PCLO: variants seen among roughly 807,000 people sequenced by gnomAD.
The protein encoded by PCLO is protein piccolo.
Under a neutral mutation model 427.5 loss-of-function variants are expected in PCLO, and 82 were observed. The observed-to-expected ratio is 0.19, with a 90% CI of 0.16 to 0.23. The LOEUF (loss-of-function observed/expected upper bound fraction) is 0.23. Among genes scored for constraint, PCLO ranks in the 10% least tolerant of loss-of-function variants. The probability of loss-of-function intolerance (pLI) is 1.00; values close to 1 mark genes in which losing one functional copy is unlikely to be tolerated. For missense variants in PCLO, 6,239 were observed against 6,115.9 expected (o/e 1.02, Z -0.67); for synonymous variants, 2,357 against 2,155.4 (o/e 1.09, Z -2.59).
chr7:82,783,148 C>T (rs1790909703), intron 22 of PCLO, among the ~76,000 whole-genome samples: 1 of 152,204 alleles, frequency 6.6e-6, no homozygotes. Flanking sequence ...GATGTGAGAA[C>T]TAAACAGGCT....
At position 83,155,743 on chromosome 7, in the gene PCLO, T is replaced by C. The variant is rs1255725833; in HGVS notation, c.898A>G (p.Ser300Gly). Residue 300 changes from serine to glycine, a missense_variant, in exon 2 of 25, where the codon AGC becomes GGC. Physicochemically the swap from Ser to Gly is moderately conservative, Grantham distance 56. Transcript: ENST00000333891. ...RGESVKPSLP[S>G]PSKPPIQQPT... is the part of the protein sequence containing the mutation. ...TGCTGAATAGGTGGTTTGGATGGGC[T>C]TGGCAGTGAGGGTTTAACTGATTCT... 3 of 1,613,868 alleles carry C rather than the reference T, an allele frequency of 1.9e-6. No homozygotes were observed. The highest frequency in any genetic ancestry group is 2.5e-6 in the Non-Finnish European group (3 of 1,179,886).
rs1174636518 is a variant in PCLO at position 82,975,052 on chromosome 7, C to T, written c.3301-8565G>A. Among the ~76,000 whole-genome samples the T allele has an allele frequency of 2.0e-5, 3 of 152,178 alleles. No homozygotes were observed. In the East Asian group the frequency reaches 5.8e-4, roughly 29 times the overall value. ...TCAGCCTCCCAAAGTGCTGGGATTA[C>T]AGGCGTGAGCCACCGTGCCCAGCAG... On this transcript the variant is annotated intron_variant, in intron 3 of 24. Coordinates refer to ENST00000333891, the MANE Select transcript of PCLO (RefSeq NM_033026.6).
chr7:82,897,021 GA>G (rs893964422), intron 9 of PCLO, among the ~76,000 whole-genome samples: 1 of 150,938 alleles, frequency 6.6e-6, no homozygotes, highest in South Asian at 2.1e-4. Context: ...TTTTAAATAA[GA>G]AAAAAAAGGA....
intron 3 of PCLO, among the ~76,000 whole-genome samples, chr7:82,984,171 A>G (rs1003685544): frequency 1.3e-5 from 2 of 152,032 alleles, no homozygotes; most frequent in Non-Finnish European, 2.9e-5. Context: ...TTAACTAATC[A>G]AGTCATTTCA....
intron 10 of PCLO, among the ~76,000 whole-genome samples, chr7:82,850,940 T>C (rs1193538093): frequency 2.6e-5 from 4 of 152,122 alleles, no homozygotes; most frequent in Non-Finnish European, 5.9e-5. Context: ...TCATTAGTCA[T>C]TAGAAAGTGC....
chr7:82,896,328 G>A (rs1793903053), intron 9 of PCLO, among the ~76,000 whole-genome samples: 1 of 151,668 alleles, frequency 6.6e-6, no homozygotes, highest in African/African-American at 2.4e-5. Flanking sequence ...GCAAACCACT[G>A]GCACATGCTA....
intron 2 of PCLO, among the ~76,000 whole-genome samples, chr7:83,147,174 G>A (rs1484529792): frequency 6.6e-6 from 1 of 151,482 alleles, no homozygotes; most frequent in Admixed American, 6.6e-5. Flanking sequence ...CATAAATCCA[G>A]GGAATATCCA....
chr7:82,845,415 C>T lies in PCLO; in HGVS notation c.13902G>A (p.Gln4634=), dbSNP rs79031897. Reference sequence around the variant, plus strand: ...CTGATGACAGAACCAGCGGTGACTGCTGTAGTGAAACCTTCTGGAGTTCTG... The same window carrying T: ...CTGATGACAGAACCAGCGGTGACTGTTGTAGTGAAACCTTCTGGAGTTCTG... ...LAAELQKVSL[Q]QSPLVLSSVV... Residue 4634 remains glutamine (Q), a synonymous_variant, in exon 13 of 25, where the codon CAG becomes CAA. Transcript: ENST00000333891. 1,066 of 1,613,234 alleles carry T rather than the reference C, an allele frequency of 6.6e-4. 4 individuals are homozygous for T. The African/African-American group carries it at 0.013, about 20-fold the overall frequency.
rs143625653 is a variant in PCLO at position 82,944,820 on chromosome 7, G to A, written c.11112+4656C>T. The stretch of plus-strand genomic sequence containing the variant: ...TCCACATTGCTGGATATCCACAATT[G>A]TCAGACTTGGTGATGGGAAGGTAAT... On this transcript the variant is annotated intron_variant, in intron 6 of 24. Coordinates refer to ENST00000333891, the MANE Select transcript of PCLO (RefSeq NM_033026.6). Among the ~76,000 whole-genome samples, 455 of 152,234 alleles carry A rather than the reference G, an allele frequency of 3.0e-3. 1 individual carries two copies. Among genetic ancestry groups the A allele is most frequent in the African/African-American group, 0.01 (430 of 41,536 alleles).
intron 20 of PCLO, among the ~76,000 whole-genome samples, chr7:82,808,991 C>A (rs1359403285): frequency 6.6e-6 from 1 of 151,926 alleles, no homozygotes; most frequent in African/African-American, 2.4e-5. Context: ...TTCTAAGAAT[C>A]CGTATTTTAA....
At chr7:82,878,334 A>T (rs906236866) in intron 10 of PCLO, among the ~76,000 whole-genome samples, 2 of 152,202 alleles carry the variant, frequency 1.3e-5, no homozygotes, top group African/African-American at 4.8e-5. Flanking sequence ...AATCACAGTG[A>T]GTCATTTTTA....
rs939232982 is a variant in PCLO at position 82,908,883 on chromosome 7, T to C, written c.13431A>G (p.Gln4477=). The C allele has an allele frequency of 1.9e-6, 3 of 1,612,010 alleles. No homozygotes were observed. Among genetic ancestry groups the C allele is most frequent in the African/African-American group, 2.7e-5 (2 of 74,814 alleles). Residue 4477 remains glutamine (Q), a synonymous_variant, in exon 8 of 25, where the codon CAA becomes CAG. Transcript: ENST00000333891. The part of the protein sequence containing the change: ...LVHSRPLSQH[Q]EQIIQMNGKT... Reference sequence around the variant, plus strand: ...TGCTAAATATAGCACTTACTTGCTCTTGATGTTGACTGAGTGGTCTAGAGT... The same window carrying C: ...TGCTAAATATAGCACTTACTTGCTCCTGATGTTGACTGAGTGGTCTAGAGT...
At chr7:82,818,801 G>A (rs1037594710) in intron 20 of PCLO, among the ~76,000 whole-genome samples, 2 of 152,138 alleles carry the variant, frequency 1.3e-5, no homozygotes, top group African/African-American at 4.8e-5. Context: ...TCCACTTAAT[G>A]TGATAAAATG....
At chr7:82,889,761 G>A (rs990895795) in intron 9 of PCLO, among the ~76,000 whole-genome samples, 1 of 151,988 alleles carries the variant, frequency 6.6e-6, no homozygotes, top group Non-Finnish European at 1.5e-5. Flanking sequence ...TTAAACGTCT[G>A]TACAATGTAA....
Position 83,097,111 on chromosome 7 carries a change from T to C in PCLO, c.3300+37139A>G, listed in dbSNP as rs1198213662. ...ATACATTATATGAATATATATTATA[T>C]ATTATATAAATATATTATACATTAT... On this transcript the variant is annotated intron_variant, in intron 3 of 24. Transcript: ENST00000333891. Among the ~76,000 whole-genome samples, 3 of 78,532 alleles carry C rather than the reference T, an allele frequency of 3.8e-5. 1 individual carries two copies. The highest frequency in any genetic ancestry group is 5.3e-5 in the African/African-American group (1 of 18,880). The allele number at this position is 78,532 out of a possible 152,430, so 51.5% of individuals were successfully genotyped here. A position where few individuals can be genotyped will look rare whatever the true frequency, so the allele number is the denominator to read the frequency against.
rs1045649559 is a variant in PCLO, at chr7:83,093,357, T to C, written c.3300+40893A>G. ...AATTATATAAAGTATTCTATAAAAA[T>C]AGCAAGCAAAGCCTAGATCAATTAA... On this transcript the variant is annotated intron_variant, in intron 3 of 24. Transcript: ENST00000333891. Among the ~76,000 whole-genome samples the C allele has an allele frequency of 2.0e-5, 3 of 151,094 alleles. No individual in the cohort carries two copies. The South Asian group carries it at 6.2e-4, about 31-fold the overall frequency.
At chr7:83,091,147 G>A (rs1444422550) in intron 3 of PCLO, among the ~76,000 whole-genome samples, 1 of 152,086 alleles carries the variant, frequency 6.6e-6, no homozygotes, top group African/African-American at 2.4e-5. Flanking sequence ...TCAAGAATAT[G>A]TGTGCATACA....
intron 22 of PCLO, among the ~76,000 whole-genome samples, chr7:82,793,062 A>C (rs2129468451): frequency 6.6e-6 from 1 of 151,948 alleles, no homozygotes; most frequent in East Asian, 1.9e-4. Flanking sequence ...ACTGTTCTCA[A>C]CACTTCCAAG....
At chr7:82,759,949 G>A (rs966329689) in intron 24 of PCLO, among the ~76,000 whole-genome samples, 3 of 151,920 alleles carry the variant, frequency 2.0e-5, no homozygotes, top group Non-Finnish European at 4.4e-5. Context: ...GAAGCAAAAT[G>A]CTTTGTGAAT....
Sources: allele counts gnomAD v4.1 joint callset (sites outside exome capture counted in the v4.1 genomes callset), GRCh38; gene constraint gnomAD v4.1.1; transcripts MANE v1.5; gene names NCBI Gene and HGNC (gene_info 2026-07-23, HGNC 2026-07-21).